Variants in PTPRD observed in about 807,000 individuals in gnomAD.
PTPRD encodes receptor-type tyrosine-protein phosphatase delta.
Under a neutral mutation model 214.5 loss-of-function variants are expected in PTPRD, and 34 were observed. The ratio of observed to expected loss-of-function variants is 0.16; its 90% CI spans 0.12 to 0.21. The LOEUF is 0.21. Ranked by LOEUF, PTPRD falls within the 10% of genes least tolerant of loss-of-function variation. The probability of loss-of-function intolerance (pLI) is 1.00; values close to 1 mark genes in which losing one functional copy is unlikely to be tolerated. For synonymous variants in PTPRD, 1,128 were observed against 845.7 expected, an observed-to-expected ratio of 1.33 and a Z score of -5.79; for missense variants, 2,545 against 2,398.7, an observed-to-expected ratio of 1.06 and a Z score of -1.27.
intron 5 of PTPRD, among the ~76,000 whole-genome samples, chr9:9,887,001 A>C (rs1270928184): frequency 6.6e-6 from 1 of 152,038 alleles, no homozygotes; most frequent in Non-Finnish European, 1.5e-5. Context: ...ATCCACAACA[A>C]ACCATGAGAG....
intron 35 of PTPRD, among the ~76,000 whole-genome samples, chr9:8,420,350 T>A (rs2094269165): frequency 6.6e-6 from 1 of 152,184 alleles, no homozygotes; most frequent in Non-Finnish European, 1.5e-5. Flanking sequence ...GCATTCATGA[T>A]CTTGAAAATT....
At chr9:9,890,811 G>C (rs956027695) in intron 5 of PTPRD, among the ~76,000 whole-genome samples, 2 of 152,024 alleles carry the variant, frequency 1.3e-5, no homozygotes, top group Non-Finnish European at 2.9e-5. Context: ...AATATACTAT[G>C]TCTCCAATGA....
chr9:9,935,028 C>T (rs1179729850), intron 5 of PTPRD, among the ~76,000 whole-genome samples: 1 of 151,974 alleles, frequency 6.6e-6, no homozygotes. Flanking sequence ...ATTCAACAAC[C>T]ATTCATGCTA....
At position 8,851,150 on chromosome 9, in the gene PTPRD, G is replaced by C. The variant is rs145062885; in HGVS notation, c.-103-117204C>G. Among the ~76,000 whole-genome samples, 76 of 151,352 alleles carry C rather than the reference G, an allele frequency of 5.0e-4. 1 individual carries two copies. The highest frequency in any genetic ancestry group is 1.8e-3 in the African/African-American group (73 of 41,112). The stretch of plus-strand genomic sequence containing the variant: ...AAACCTGATACTTCAGGGAAGGACA[G>C]CTGCACTGGGCAAAAGTCTAAGCAG... On this transcript the variant is annotated intron_variant, in intron 11 of 45. Coordinates refer to ENST00000381196, the MANE Select transcript of PTPRD (RefSeq NM_002839.4).
chr9:10,406,348 A>G (rs1011372971), intron 2 of PTPRD, among the ~76,000 whole-genome samples: 2 of 151,606 alleles, frequency 1.3e-5, no homozygotes, highest in African/African-American at 2.4e-5. Flanking sequence ...TGTACAAAAT[A>G]CCTAATATTA....
intron 9 of PTPRD, among the ~76,000 whole-genome samples, chr9:9,317,018 G>C (rs1197418526): frequency 1.3e-5 from 2 of 152,172 alleles, no homozygotes; most frequent in African/African-American, 4.8e-5. Context: ...CAAGGAAAGT[G>C]TCTCAAGTGT....
rs561075009 is a variant in PTPRD, at chr9:9,136,279, A to G, written c.-143+47025T>C. ...AGTCTCTAATTAACATCTTTTGGTCATGGTTGTTTTTAGATTAACATGGCT... is the reference window on the plus strand; with the variant it reads ...AGTCTCTAATTAACATCTTTTGGTCGTGGTTGTTTTTAGATTAACATGGCT... On this transcript the variant is annotated intron_variant, in intron 10 of 45. Coordinates refer to ENST00000381196, the MANE Select transcript of PTPRD (RefSeq NM_002839.4). 5.3e-5 allele frequency among the ~76,000 whole-genome samples: 8 copies of G among 152,252 alleles called. No homozygotes were observed. The East Asian group carries it at 9.7e-4, about 18-fold the overall frequency.
At chr9:8,448,997 T>A (rs1045496351) in intron 34 of PTPRD, among the ~76,000 whole-genome samples, 1 of 152,194 alleles carries the variant, frequency 6.6e-6, no homozygotes, top group Non-Finnish European at 1.5e-5. Flanking sequence ...TAATTTGCCA[T>A]TCATTTGGTA....
At chr9:9,558,203 GCCTGTA>G (rs2082011481) in intron 8 of PTPRD, among the ~76,000 whole-genome samples, 1 of 152,196 alleles carries the variant, frequency 6.6e-6, no homozygotes, top group South Asian at 2.1e-4. Context: ...AGCCAAGCAA[GCCTGTA>G]CAGTGTTAGC....
intron 9 of PTPRD, among the ~76,000 whole-genome samples, chr9:9,294,879 T>C (rs550175475): frequency 6.6e-6 from 1 of 151,846 alleles, no homozygotes; most frequent in East Asian, 2.0e-4. Flanking sequence ...TATATTAAAA[T>C]AAGGTGGTCA....
rs377557345 is a variant in PTPRD at position 8,492,898 on chromosome 9, G to C, written c.2431C>G (p.Arg811Gly). The C allele has an allele frequency of 6.2e-7, 1 of 1,613,686 alleles. No individual in the cohort carries two copies. The highest frequency in any genetic ancestry group is 1.3e-5 in the African/African-American group (1 of 74,894). ...TAYTTKGDGA[R>G]SKPKLVSTTG... ...GTGGACACCAGTTTGGGCTTGCTGC[G>C]AGCACCATCTCCTTTGGTTGTGTAG... Residue 811 changes from arginine to glycine, a missense_variant, in exon 27 of 46, where the codon CGC (arginine) becomes GGC (glycine). By Grantham distance (125) the Arg-to-Gly change is moderately radical. Transcript: ENST00000381196.
chr9:8,730,679 T>C (rs1038265807), intron 12 of PTPRD, among the ~76,000 whole-genome samples: 1 of 152,222 alleles, frequency 6.6e-6, no homozygotes, highest in Admixed American at 6.5e-5. Flanking sequence ...ACAGAAGCTA[T>C]TATGAAAACT....
At chr9:8,801,574 G>A (rs1045503023) in intron 11 of PTPRD, among the ~76,000 whole-genome samples, 1 of 152,078 alleles carries the variant, frequency 6.6e-6, no homozygotes, top group African/African-American at 2.4e-5. Context: ...AAATTAGCCA[G>A]GCATGGTGGC....
rs144264980 is a variant in PTPRD, at chr9:8,609,087, C to G, written c.352+24230G>C. Among the ~76,000 whole-genome samples the G allele has an allele frequency of 4.0e-4, 61 of 152,336 alleles. No homozygotes were observed. The East Asian group carries it at 0.011, about 28-fold the overall frequency. On this transcript the variant is annotated intron_variant, in intron 14 of 45. Transcript: ENST00000381196. Reference sequence around the variant, plus strand: ...CAAAAACAAAATTCTCACATCTTGTCTCATCTTAAAAGTGAATGAGAATTT... The same window carrying G: ...CAAAAACAAAATTCTCACATCTTGTGTCATCTTAAAAGTGAATGAGAATTT...
intron 3 of PTPRD, among the ~76,000 whole-genome samples, chr9:10,220,400 T>A (rs2099565458): frequency 6.6e-6 from 1 of 151,858 alleles, no homozygotes; most frequent in Non-Finnish European, 1.5e-5. Context: ...TTTAAACTAC[T>A]CACGTAACTT....
chr9:9,890,413 G>T (rs1249107299), intron 5 of PTPRD, among the ~76,000 whole-genome samples: 1 of 151,810 alleles, frequency 6.6e-6, no homozygotes, highest in Non-Finnish European at 1.5e-5. Flanking sequence ...TGCCCAGGCT[G>T]GTCTTGAACT....
At chr9:8,331,218 CAGA>C (rs1840471698) in intron 44 of PTPRD, among the ~76,000 whole-genome samples, 1 of 149,194 alleles carries the variant, frequency 6.7e-6, no homozygotes, top group Non-Finnish European at 1.5e-5. Context: ...TTTTCACAAA[CAGA>C]AGAAAGACAG....
In PTPRD at chr9:8,485,860, G is replaced by A. The variant is rs778486665; in HGVS notation, c.2957C>T (p.Pro986Leu). The A allele has an allele frequency of 7.4e-6, 12 of 1,614,142 alleles. No homozygotes were observed. Among genetic ancestry groups the A allele is most frequent in the East Asian group, 2.2e-5 (1 of 44,864 alleles). Reference sequence around the variant, plus strand: ...TACTTTTACATCGTATGTGGTATCTGGTTTTAAGCCAGTGAGTGTCATAGT... The same window carrying A: ...TACTTTTACATCGTATGTGGTATCTAGTTTTAAGCCAGTGAGTGTCATAGT... ...DTTMTLTGLKPDTTYDVKVRA... is the reference protein window; with the variant it reads ...DTTMTLTGLKLDTTYDVKVRA... The change falls in exon 28 of 46, where the codon CCA (proline) becomes CTA (leucine). Residue 986 changes from proline (P) to leucine (L), a missense_variant. Pro to Leu is a moderately conservative substitution (Grantham distance 98, BLOSUM62 -3). Coordinates refer to ENST00000381196, the MANE Select transcript of PTPRD (RefSeq NM_002839.4).
At position 10,354,012 on chromosome 9, in the gene PTPRD, C is replaced by T. The variant is rs192325063; in HGVS notation, c.-599-12995G>A. 1.4e-4 allele frequency among the ~76,000 whole-genome samples: 22 copies of T among 152,146 alleles called. No individual in the cohort carries two copies. The East Asian group carries it at 4.3e-3, about 29-fold the overall frequency. On this transcript the variant is annotated intron_variant, in intron 2 of 45. Coordinates refer to ENST00000381196, the MANE Select transcript of PTPRD (RefSeq NM_002839.4). ...GAATAATATAGTGAACTTCCATGCA[C>T]TCAAAACCTAGTTTAAATATGGAAT...
Sources: allele counts gnomAD v4.1 joint callset (sites outside exome capture counted in the v4.1 genomes callset), GRCh38; gene constraint gnomAD v4.1.1; transcripts MANE v1.5; gene names NCBI Gene and HGNC (gene_info 2026-07-23, HGNC 2026-07-21).